CPAMD8: variants seen among roughly 807,000 people sequenced by gnomAD.
The protein encoded by CPAMD8 is C3 and PZP-like alpha-2-macroglobulin domain-containing protein 8.
Under a neutral mutation model 224.7 loss-of-function variants are expected in CPAMD8, and 146 were observed. The observed-to-expected ratio is 0.65, with a 90% CI of 0.57 to 0.75. The LOEUF is 0.75. Ranked by LOEUF, CPAMD8 falls within the 30% of genes least tolerant of loss-of-function variation. CPAMD8 has a pLI of 0.00. For missense variants in CPAMD8, 2,301 were observed against 2,537.5 expected (o/e 0.91, Z 2.00); for synonymous variants, 966 against 1,044.6 (o/e 0.92, Z 1.45).
At position 16,898,817 on chromosome 19, in the gene CPAMD8, C is replaced by T. The variant is rs2052138168; in HGVS notation, c.4848+658G>A. ...TACAGATGGATAATATCCACTGCGG[C>T]CCCTCCCTGCTTTTTCTACCAACTG... On this transcript the variant is annotated intron_variant, in intron 37 of 41. Coordinates refer to ENST00000443236, the MANE Select transcript of CPAMD8 (RefSeq NM_015692.5). This position sits in a 1 kb window ranked among gnomAD's most constrained non-coding sequence, Gnocchi z 4.2. 6.6e-6 allele frequency among the ~76,000 whole-genome samples: 1 copy of T among 152,174 alleles called. No homozygotes were observed. Among genetic ancestry groups the T allele is most frequent in the South Asian group, 2.1e-4 (1 of 4,826 alleles).
chr19:16,975,505 G>A (rs376388791), intron 16 of CPAMD8, among the ~76,000 whole-genome samples: 19 of 152,064 alleles, frequency 1.2e-4, no homozygotes, highest in East Asian at 9.7e-4. Flanking sequence ...AAAGGAGTTC[G>A]AGACCAGCCT....
At chr19:16,953,486 G>A (rs987734231) in intron 19 of CPAMD8, among the ~76,000 whole-genome samples, 6 of 151,890 alleles carry the variant, frequency 4.0e-5, no homozygotes, top group African/African-American at 1.5e-4. Context: ...GATCACTTGA[G>A]CCCAGGAGTT....
intron 22 of CPAMD8, among the ~76,000 whole-genome samples, chr19:16,941,257 A>G (rs1343316908): frequency 1.3e-5 from 2 of 152,232 alleles, no homozygotes; most frequent in Admixed American, 6.5e-5. Context: ...TAACAGCTAC[A>G]TAATCCTAAA....
chr19:16,965,598 A>T (rs954959942), intron 18 of CPAMD8, among the ~76,000 whole-genome samples: 1 of 152,144 alleles, frequency 6.6e-6, no homozygotes, highest in Non-Finnish European at 1.5e-5. Flanking sequence ...AAACCCCATC[A>T]TCTCAGCCCA....
chr19:17,019,266 G>T (rs1457106211), intron 3 of CPAMD8, among the ~76,000 whole-genome samples: 1 of 151,958 alleles, frequency 6.6e-6, no homozygotes, highest in Non-Finnish European at 1.5e-5. Context: ...GGGATTACAG[G>T]TGTGCGCCAC....
chr19:16,923,943 G>A (rs1040825701), intron 26 of CPAMD8, among the ~76,000 whole-genome samples: 1 of 151,558 alleles, frequency 6.6e-6, no homozygotes, highest in Non-Finnish European at 1.5e-5. Flanking sequence ...GTGACAGAGC[G>A]AGACCCTAGC....
chr19:16,906,316 CCCT>C (rs2052475942), intron 30 of CPAMD8, among the ~76,000 whole-genome samples: 1 of 141,338 alleles, frequency 7.1e-6, no homozygotes, highest in African/African-American at 2.6e-5. Context: ...TCTCTTCTCT[CCCT>C]CCTTCCTTCC....
At position 16,926,503 on chromosome 19, in the gene CPAMD8, A is replaced by G. The variant is rs540530900; in HGVS notation, c.3371-1131T>C. On this transcript the variant is annotated intron_variant, in intron 25 of 41. Coordinates refer to ENST00000443236, the MANE Select transcript of CPAMD8 (RefSeq NM_015692.5). ...CAGCTAATTTTTGTATTTTTAGAAG[A>G]GACGAGCTTTCTCCATGTTGGCCAG... Among the ~76,000 whole-genome samples the G allele has an allele frequency of 2.0e-5, 3 of 152,150 alleles. No individual in the cohort carries two copies. The South Asian group carries it at 6.2e-4, about 32-fold the overall frequency.
intron 23 of CPAMD8, among the ~76,000 whole-genome samples, chr19:16,934,700 C>T (rs1002131073): frequency 3.9e-5 from 6 of 152,174 alleles, no homozygotes; most frequent in Non-Finnish European, 7.4e-5. Flanking sequence ...CAAAGGAAGT[C>T]TTCTTTGGGT....
intron 9 of CPAMD8, among the ~76,000 whole-genome samples, chr19:17,001,029 G>C (rs1352367452): frequency 6.6e-6 from 1 of 152,092 alleles, no homozygotes; most frequent in African/African-American, 2.4e-5. Context: ...GGAGCAAAAT[G>C]AGAGAGTGCA....
chr19:16,894,095 G>A lies in CPAMD8; in HGVS notation c.5427-756C>T, dbSNP rs533973147. 2.6e-5 allele frequency: 5 copies of A among 195,578 alleles called. No homozygotes were observed. The South Asian group carries it at 3.7e-4, about 15-fold the overall frequency. The allele number at this position is 195,578 out of a possible 1,614,324, so 12.1% of individuals were successfully genotyped here. A position where few individuals can be genotyped will look rare whatever the true frequency, so the allele number is the denominator to read the frequency against. On this transcript the variant is annotated intron_variant, in intron 41 of 41. Coordinates refer to ENST00000443236, the MANE Select transcript of CPAMD8 (RefSeq NM_015692.5). The stretch of plus-strand genomic sequence containing the variant: ...AGAATGTCAGGCTGTGGGAGCTGCC[G>A]TGGCCCCAGGAAAATGATGCCCAGC...
chr19:16,970,958 C>A lies in CPAMD8; in HGVS notation c.2146G>T (p.Ala716Ser). The change falls in exon 18 of 42, where the codon GCT (alanine) becomes TCT (serine). Residue 716 changes from alanine to serine, a missense_variant. Transcript: ENST00000443236. Reference sequence around the variant, plus strand: ...GTGTGGGGCTGGAAAGCGGGGACAGCCTCATCGGTGTAGAGGCCACCGTCC... The same window carrying A: ...GTGTGGGGCTGGAAAGCGGGGACAGACTCATCGGTGTAGAGGCCACCGTCC... Reference protein sequence around the residue: ...RQDGGLYTDEAVPAFQPHTGS... With the variant: ...RQDGGLYTDESVPAFQPHTGS... The A allele has an allele frequency of 6.2e-7, 1 of 1,613,910 alleles. No individual in the cohort carries two copies. The highest frequency in any genetic ancestry group is 8.5e-7 in the Non-Finnish European group (1 of 1,179,926).
At position 16,909,073 on chromosome 19, in the gene CPAMD8, ATC is replaced by A. The variant is rs1303486395; in HGVS notation, c.3862-1958_3862-1957del. 2.6e-5 allele frequency among the ~76,000 whole-genome samples: 4 copies of A among 152,286 alleles called. No individual in the cohort carries two copies. In the East Asian group the frequency reaches 5.8e-4, roughly 22 times the overall value. ...TCATTTGCTGGTTGCCCCCCAGCTC[ATC>A]TGATTCCAGCACAGGTGTAGCGGGT... On this transcript the variant is annotated intron_variant, in intron 29 of 41. Coordinates refer to ENST00000443236, the MANE Select transcript of CPAMD8 (RefSeq NM_015692.5).
chr19:16,914,500 T>C lies in CPAMD8; in HGVS notation c.3787-2A>G. 1 of 1,614,028 alleles carries C rather than the reference T, an allele frequency of 6.2e-7. No homozygotes were observed. The highest frequency in any genetic ancestry group is 1.1e-5 in the South Asian group (1 of 91,088). ...CGGGACAGTGCCGTGGATCCCACCC[T>C]GCAAGGGGACTCACAGGCCTCACCC... On this transcript the variant is annotated splice_acceptor_variant, in intron 28 of 41. Transcript: ENST00000443236. LOFTEE classifies it high-confidence loss of function.
rs557916855 is a variant in CPAMD8, at chr19:16,947,076, G to T, written c.2660C>A (p.Thr887Lys). Residue 887 changes from threonine to lysine, a missense_variant and splice_region_variant, in exon 21 of 42, where the codon ACG becomes AAG. Thr to Lys is a moderately conservative substitution (Grantham distance 78). Around this residue, in one of 4 missense-constraint regions of CPAMD8, gnomAD observed 1,709 missense variants for 1,753.2 expected, o/e 0.97. Coordinates refer to ENST00000443236, the MANE Select transcript of CPAMD8 (RefSeq NM_015692.5). ...CCCAAGAACTGTGGGGTCCTCACCC[G>T]TGATGTTGTTGAGTCCCAGGTCGCT... Reference protein sequence around the residue: ...SFSDLGLNNITAKALAYGDTN... With the variant: ...SFSDLGLNNIKAKALAYGDTN... The T allele has an allele frequency of 1.9e-6, 3 of 1,605,212 alleles. No individual in the cohort carries two copies. Among genetic ancestry groups the T allele is most frequent in the Admixed American group, 1.7e-5 (1 of 59,298 alleles).
intron 29 of CPAMD8, chr19:16,910,664 A>C (rs1827656085): frequency 6.6e-6 from 1 of 151,978 alleles, no homozygotes; most frequent in Non-Finnish European, 1.5e-5. Flanking sequence ...ATTGATGCTG[A>C]ACTTAGTGCA....
intron 7 of CPAMD8, among the ~76,000 whole-genome samples, chr19:17,004,685 A>G (rs2056435358): frequency 6.6e-6 from 1 of 152,028 alleles, no homozygotes; most frequent in Non-Finnish European, 1.5e-5. Flanking sequence ...AAACGAGGGA[A>G]ATGAGCCAGC....
chr19:16,966,949 G>T (rs1027605876), intron 18 of CPAMD8, among the ~76,000 whole-genome samples: 54 of 152,210 alleles, frequency 3.5e-4, no homozygotes, highest in Middle Eastern at 6.8e-3. Flanking sequence ...CAAGGATCTA[G>T]AACTAGAAAT....
At chr19:16,997,766 C>T (rs1208573860) in intron 10 of CPAMD8, among the ~76,000 whole-genome samples, 3 of 151,926 alleles carry the variant, frequency 2.0e-5, no homozygotes, top group Admixed American at 6.6e-5. Context: ...GCATGAGAAT[C>T]GCTTGAACCC....
Sources: gnomAD v4.1 joint callset for allele counts (sites outside exome capture counted in the v4.1 genomes callset) on GRCh38, gnomAD v4.1.1 for gene constraint, gnomAD v4.1.1 regional missense constraint, Gnocchi (gnomAD v3.1) non-coding constraint, MANE v1.5 for transcripts, NCBI Gene and HGNC (gene_info 2026-07-23, HGNC 2026-07-21) for gene names.